KCNIP4: variants seen among roughly 807,000 people sequenced by gnomAD.
The protein encoded by KCNIP4 is Kv channel-interacting protein 4.
In KCNIP4, 12 loss-of-function variants were observed where a neutral mutation model predicts 34.0. The observed-to-expected ratio is 0.35, with a 90% confidence interval of 0.23 to 0.57. The LOEUF (loss-of-function observed/expected upper bound fraction) is 0.57, where lower values mean the gene tolerates loss of function less well. KCNIP4 is among the 20% of genes least tolerant of loss of function. The probability of loss-of-function intolerance (pLI) is 0.83; values close to 1 mark genes in which losing one functional copy is unlikely to be tolerated. For synonymous variants in KCNIP4, 124 were observed against 102.2 expected, an observed-to-expected ratio of 1.21 and a Z score of -1.29; for missense variants, 238 against 311.7, an observed-to-expected ratio of 0.76 and a Z score of 1.78.
intron 1 of KCNIP4, among the ~76,000 whole-genome samples, chr4:21,915,993 C>G (rs1728608309): frequency 1.3e-5 from 2 of 152,240 alleles, no homozygotes; most frequent in South Asian, 4.1e-4. Flanking sequence ...TTGTTACAAA[C>G]TGCTGATTCC....
intron 1 of KCNIP4, among the ~76,000 whole-genome samples, chr4:21,346,843 A>G (rs1008359305): frequency 2.0e-5 from 3 of 152,120 alleles, no homozygotes; most frequent in Admixed American, 6.6e-5. Flanking sequence ...TAGATTTTCC[A>G]AGATAAAAAA....
intron 1 of KCNIP4, among the ~76,000 whole-genome samples, chr4:21,228,834 G>A (rs2109016463): frequency 6.6e-6 from 1 of 152,210 alleles, no homozygotes; most frequent in South Asian, 2.1e-4. Flanking sequence ...TCAGCCTGGT[G>A]CTGTCCTTAC....
At chr4:20,825,903 A>G (rs998217569) in intron 3 of KCNIP4, among the ~76,000 whole-genome samples, 4 of 152,196 alleles carry the variant, frequency 2.6e-5, no homozygotes, top group African/African-American at 9.7e-5. Flanking sequence ...GGGAGTTGAC[A>G]ATAGTTTTGG....
At chr4:20,954,941 T>A (rs1733141218) in intron 1 of KCNIP4, among the ~76,000 whole-genome samples, 1 of 152,218 alleles carries the variant, frequency 6.6e-6, no homozygotes, top group South Asian at 2.1e-4. Context: ...GGTCATCCTT[T>A]ATTGCAGAGA....
intron 1 of KCNIP4, among the ~76,000 whole-genome samples, chr4:21,115,126 T>C (rs902565654): frequency 2.6e-5 from 4 of 152,154 alleles, no homozygotes; most frequent in African/African-American, 9.6e-5. Context: ...TTCCTCACAG[T>C]AGTCTTCTGA....
chr4:21,158,092 C>T (rs1358921728), intron 1 of KCNIP4, among the ~76,000 whole-genome samples: 1 of 151,498 alleles, frequency 6.6e-6, no homozygotes, highest in Non-Finnish European at 1.5e-5. Context: ...ATAAAAACAA[C>T]CAAATTTTAC....
At chr4:21,071,114 A>G (rs1231512646) in intron 1 of KCNIP4, among the ~76,000 whole-genome samples, 6 of 152,076 alleles carry the variant, frequency 3.9e-5, no homozygotes, top group African/African-American at 1.2e-4. Context: ...TTTAATTTTG[A>G]TGAAATCCCA....
At chr4:21,904,918 T>C (rs1727909017) in intron 1 of KCNIP4, among the ~76,000 whole-genome samples, 1 of 152,068 alleles carries the variant, frequency 6.6e-6, no homozygotes, top group Non-Finnish European at 1.5e-5. Flanking sequence ...TTAGAATAAG[T>C]AAAGTAACTT....
chr4:21,717,726 T>C (rs184518558), intron 1 of KCNIP4, among the ~76,000 whole-genome samples: 63 of 152,300 alleles, frequency 4.1e-4, no homozygotes, highest in East Asian at 4.1e-3. Context: ...CCTAATTCTT[T>C]TCCTCCTATG....
chr4:21,211,703 A>G (rs1757236131), intron 1 of KCNIP4, among the ~76,000 whole-genome samples: 1 of 152,162 alleles, frequency 6.6e-6, no homozygotes, highest in South Asian at 2.1e-4. Flanking sequence ...CACTAGCTAT[A>G]TGCTAGGCAT....
At chr4:21,411,615 GA>G (rs2109590026) in intron 1 of KCNIP4, among the ~76,000 whole-genome samples, 1 of 152,240 alleles carries the variant, frequency 6.6e-6, no homozygotes, top group East Asian at 1.9e-4. Flanking sequence ...AGGAGTTTGA[GA>G]CCAGCCTGGA....
chr4:21,227,885 A>G (rs1466340111), intron 1 of KCNIP4, among the ~76,000 whole-genome samples: 1 of 152,194 alleles, frequency 6.6e-6, no homozygotes, highest in African/African-American at 2.4e-5. Flanking sequence ...CAGGAGATGT[A>G]CTAGTTTTAT....
At chr4:21,724,793 T>C (rs1199399316) in intron 1 of KCNIP4, among the ~76,000 whole-genome samples, 3 of 152,098 alleles carry the variant, frequency 2.0e-5, no homozygotes, top group Non-Finnish European at 4.4e-5. Context: ...AAATATCTTC[T>C]GCTCAGTGAA....
At chr4:21,675,090 T>C (rs1449521484) in intron 1 of KCNIP4, among the ~76,000 whole-genome samples, 1 of 152,146 alleles carries the variant, frequency 6.6e-6, no homozygotes, top group East Asian at 1.9e-4. Flanking sequence ...GTGGTACACA[T>C]ACACAGTGGA....
chr4:21,174,369 C>G (rs566096278), intron 1 of KCNIP4, among the ~76,000 whole-genome samples: 1 of 152,248 alleles, frequency 6.6e-6, no homozygotes, highest in South Asian at 2.1e-4. Flanking sequence ...GGTGTGTGAT[C>G]TTGGACAAAA....
rs71191522 is a variant in KCNIP4 at position 21,578,332 on chromosome 4, C to CAAAAAAAAA, written c.61+370230_61+370238dup. On this transcript the variant is annotated intron_variant, in intron 1 of 8. Transcript: ENST00000382152. ...TGGGTGACAGAGCGAGACTCCGTCTCAAAAAAAAAAAAAAAAAAAAAAAAA... is the reference window on the plus strand; with the variant it reads ...TGGGTGACAGAGCGAGACTCCGTCTCAAAAAAAAAAAAAAAAAAAAAAAAAAAAAAAAAA... Among the ~76,000 whole-genome samples the CAAAAAAAAA allele has an allele frequency of 1.4e-3, 104 of 75,112 alleles. 7 individuals are homozygous for CAAAAAAAAA. Among genetic ancestry groups the CAAAAAAAAA allele is most frequent in the African/African-American group, 5.0e-3 (95 of 18,910 alleles). 49.3% of individuals were successfully genotyped at this position (75,112 alleles called of 152,430 possible). A position where few individuals can be genotyped will look rare whatever the true frequency, so the allele number is the denominator to read the frequency against.
intron 1 of KCNIP4, among the ~76,000 whole-genome samples, chr4:20,955,134 A>G (rs1294683043): frequency 1.3e-5 from 2 of 152,130 alleles, no homozygotes; most frequent in Non-Finnish European, 2.9e-5. Context: ...AGCATGGCAG[A>G]GGTCTGGTGG....
intron 1 of KCNIP4, among the ~76,000 whole-genome samples, chr4:21,868,866 T>A (rs1006616631): frequency 6.6e-6 from 1 of 152,226 alleles, no homozygotes; most frequent in African/African-American, 2.4e-5. Flanking sequence ...TGATCTTTCT[T>A]TGACCACATA....
At chr4:21,518,305 A>C (rs1002833197) in intron 1 of KCNIP4, among the ~76,000 whole-genome samples, 3 of 152,138 alleles carry the variant, frequency 2.0e-5, no homozygotes, top group African/African-American at 7.2e-5. Flanking sequence ...AGTTGCAGGA[A>C]ATTGCTTTCT....
Sources: allele counts gnomAD v4.1 joint callset (sites outside exome capture counted in the v4.1 genomes callset), GRCh38; gene constraint gnomAD v4.1.1; transcripts MANE v1.5; gene names NCBI Gene and HGNC (gene_info 2026-07-23, HGNC 2026-07-21).